The following TMC1 variants were observed in gnomAD, a reference collection of about 807,000 sequenced individuals.
The protein encoded by TMC1 is transmembrane channel like 1, also known as transmembrane channel-like protein 1.
In TMC1, 84 loss-of-function variants were observed where a neutral mutation model predicts 105.8. The ratio of observed to expected loss-of-function variants is 0.79; its 90% CI spans 0.67 to 0.95. The LOEUF (loss-of-function observed/expected upper bound fraction) is 0.95. TMC1 is among the 40% of genes least tolerant of loss of function. The pLI is 0.00. For missense variants in TMC1, 817 were observed against 914.1 expected, an observed-to-expected ratio of 0.89 and a Z score of 1.37; for synonymous variants, 315 against 311.5, an observed-to-expected ratio of 1.01 and a Z score of -0.12.
At chr9:72,688,684 C>A (rs1004890362) in intron 5 of TMC1, 25 bp from the exon 6 acceptor site, 4 of 1,590,294 alleles carry the variant, frequency 2.5e-6, no homozygotes, top group East Asian at 4.5e-5. Flanking sequence ...TAAATAATTG[C>A]TGTACTGTTT....
chr9:72,654,812 G>C (rs1825861282), intron 5 of TMC1, among the ~76,000 whole-genome samples: 2 of 146,946 alleles, frequency 1.4e-5, no homozygotes, highest in South Asian at 4.3e-4. Context: ...TTCCATATTT[G>C]AGATCCAAAT....
chr9:72,758,980 CAG>C (rs1450471045), intron 12 of TMC1, among the ~76,000 whole-genome samples: 1 of 151,942 alleles, frequency 6.6e-6, no homozygotes, highest in African/African-American at 2.4e-5. Flanking sequence ...GATATCTTGA[CAG>C]AGATAATTTA....
chr9:72,752,042 T>A, intron 11 of TMC1, 86 bp downstream of exon 11: 1 of 922,868 alleles, frequency 1.1e-6, no homozygotes, highest in Non-Finnish European at 1.8e-6. Flanking sequence ...GTAGAATAAT[T>A]AACTGGCTAT....
At chr9:72,702,611 T>C (rs967817305) in intron 8 of TMC1, among the ~76,000 whole-genome samples, 2 of 151,902 alleles carry the variant, frequency 1.3e-5, no homozygotes, top group African/African-American at 4.8e-5. Context: ...TGGAGAGAAT[T>C]TGGGACCTGG....
intron 2 of TMC1, among the ~76,000 whole-genome samples, chr9:72,600,523 G>C (rs1438381580): frequency 6.6e-6 from 1 of 152,012 alleles, no homozygotes; most frequent in Non-Finnish European, 1.5e-5. Context: ...TTTCATAATA[G>C]ATCTCTTGGA....
At chr9:72,595,774 T>A (rs1386501554) in intron 2 of TMC1, among the ~76,000 whole-genome samples, 1 of 150,526 alleles carries the variant, frequency 6.6e-6, no homozygotes, top group Non-Finnish European at 1.5e-5. Flanking sequence ...CCTCCTGGGC[T>A]CAAGTGATTC....
At position 72,700,566 on chromosome 9, in the gene TMC1, G is replaced by A; in HGVS notation, c.285G>A (p.Glu95=). The change falls in exon 8 of 24, where the codon GAG becomes GAA. Residue 95 remains glutamate (E), a synonymous_variant. Transcript: ENST00000297784. ...DEEELERLKA[E]LDEKRQIIAT... ...AGGAATTGGAAAGATTGAAGGCAGAGTTAGATGAGAAAAGACAAATAATTG... is the reference window on the plus strand; with the variant it reads ...AGGAATTGGAAAGATTGAAGGCAGAATTAGATGAGAAAAGACAAATAATTG... 1 of 1,606,002 alleles carries A rather than the reference G, an allele frequency of 6.2e-7. No homozygotes were observed. Among genetic ancestry groups the A allele is most frequent in the South Asian group, 1.1e-5 (1 of 90,636 alleles).
chr9:72,724,557 AT>A (rs56017811), intron 8 of TMC1, among the ~76,000 whole-genome samples: 1 of 151,870 alleles, frequency 6.6e-6, no homozygotes, highest in Non-Finnish European at 1.5e-5. Flanking sequence ...ATAAACAGGG[AT>A]TTTTTTTAGT....
At chr9:72,719,556 C>G (rs1039509447) in intron 8 of TMC1, among the ~76,000 whole-genome samples, 1 of 152,202 alleles carries the variant, frequency 6.6e-6, no homozygotes, top group Non-Finnish European at 1.5e-5. Flanking sequence ...TCTCCCAAGT[C>G]CTGCAGGAGC....
At chr9:72,712,692 A>G (rs1026914099) in intron 8 of TMC1, among the ~76,000 whole-genome samples, 1 of 152,182 alleles carries the variant, frequency 6.6e-6, no homozygotes, top group African/African-American at 2.4e-5. Context: ...TTTTCTAAAT[A>G]TATAATCATG....
intron 4 of TMC1, among the ~76,000 whole-genome samples, chr9:72,643,542 C>G (rs930795231): frequency 2.6e-5 from 4 of 152,138 alleles, no homozygotes; most frequent in Non-Finnish European, 5.9e-5. Context: ...TAAATTAAAT[C>G]ATATAGCATG....
At chr9:72,766,015 A>G (rs1827827669) in intron 12 of TMC1, among the ~76,000 whole-genome samples, 1 of 152,196 alleles carries the variant, frequency 6.6e-6, no homozygotes, top group East Asian at 1.9e-4. Flanking sequence ...GACCTATGAG[A>G]TATTAGACAA....
At chr9:72,777,326 G>A (rs775809712) in intron 13 of TMC1, among the ~76,000 whole-genome samples, 46 of 151,602 alleles carry the variant, frequency 3.0e-4, no homozygotes, top group Middle Eastern at 3.4e-3. Flanking sequence ...TTTCTTTGTC[G>A]AAGGAATTTC....
At chr9:72,548,546 G>C (rs1823808632) in intron 1 of TMC1, among the ~76,000 whole-genome samples, 1 of 149,068 alleles carries the variant, frequency 6.7e-6, no homozygotes, top group Non-Finnish European at 1.5e-5. Flanking sequence ...CAGCCTGGGT[G>C]ACAGAGTGAG....
At chr9:72,611,288 A>G (rs989024910) in intron 2 of TMC1, among the ~76,000 whole-genome samples, 6 of 152,226 alleles carry the variant, frequency 3.9e-5, no homozygotes, top group Non-Finnish European at 8.8e-5. Context: ...TCAAAGAACT[A>G]TAAGAAGATC....
At position 72,571,376 on chromosome 9, in the gene TMC1, T is replaced by TTCTC. The variant is rs34947737; in HGVS notation, c.-427-6514_-427-6511dup. On this transcript the variant is annotated intron_variant, in intron 1 of 23. Coordinates refer to ENST00000297784, the MANE Select transcript of TMC1 (RefSeq NM_138691.3). ...TACCTGATTACTATTACTTCTCTCT[T>TTCTC]TCTCTCTCTCTCTCTGTGTTCTAGA... is the stretch of plus-strand genomic sequence containing the variant. Among the ~76,000 whole-genome samples, 15 of 149,196 alleles carry TTCTC rather than the reference T, an allele frequency of 1.0e-4. 1 individual carries two copies. The highest frequency in any genetic ancestry group is 3.3e-4 in the Admixed American group (5 of 15,028).
chr9:72,666,957 G>C (rs191965744), intron 5 of TMC1, among the ~76,000 whole-genome samples: 1 of 151,810 alleles, frequency 6.6e-6, no homozygotes, highest in African/African-American at 2.4e-5. Flanking sequence ...GCGTGTGCCT[G>C]TAGTCCCAGC....
At chr9:72,607,002 T>TATATATATAGAGAGAGAGAGAGAG (rs372785242) in intron 2 of TMC1, among the ~76,000 whole-genome samples, 9 of 134,966 alleles carry the variant, frequency 6.7e-5, no homozygotes, top group South Asian at 5.0e-4. Context: ...TATATATATA[T>TATATATATAGAGAGAGAGAGAGAG]AGAGAGAGAG....
chr9:72,692,717 C>T (rs1377908548), intron 6 of TMC1, among the ~76,000 whole-genome samples: 1 of 152,068 alleles, frequency 6.6e-6, no homozygotes, highest in African/African-American at 2.4e-5. Flanking sequence ...ATTCAGAATG[C>T]CATGATGGGG....
Sources: allele counts gnomAD v4.1 joint callset (sites outside exome capture counted in the v4.1 genomes callset), GRCh38; gene constraint gnomAD v4.1.1; transcripts MANE v1.5; gene names NCBI Gene and HGNC (gene_info 2026-07-23, HGNC 2026-07-21).